Variants in MSH4 observed in about 807,000 individuals in gnomAD.
MSH4 encodes the protein mutS protein homolog 4.
MSH4 carries 106 observed loss-of-function variants against 113.7 expected under a neutral mutation model. The observed-to-expected ratio is 0.93, with a 90% CI of 0.80 to 1.10. The LOEUF is 1.10. Ranked by LOEUF, MSH4 falls within the 50% of genes least tolerant of loss-of-function variation. The pLI, the probability that MSH4 is intolerant of heterozygous loss-of-function variation, is 0.00. For missense variants in MSH4, 1,061 were observed against 1,093.7 expected, an observed-to-expected ratio of 0.97 and a Z score of 0.42; for synonymous variants, 368 against 380.2, an observed-to-expected ratio of 0.97 and a Z score of 0.37.
chr1:75,829,406 A>G (rs969491594), intron 7 of MSH4, among the ~76,000 whole-genome samples: 2 of 152,204 alleles, frequency 1.3e-5, no homozygotes, highest in African/African-American at 4.8e-5. Context: ...GCAGACTTAA[A>G]CATCCCTGTC....
intron 19 of MSH4, among the ~76,000 whole-genome samples, chr1:75,909,498 G>T (rs12138898): frequency 0.29 from 43,449 of 150,136 alleles, 6,580 homozygotes; most frequent in Middle Eastern, 0.37. Context: ...TATACTTTAA[G>T]TTCTGGGATA....
intron 19 of MSH4, among the ~76,000 whole-genome samples, chr1:75,904,531 T>TG (rs1000049858): frequency 4.6e-5 from 7 of 151,608 alleles, no homozygotes; most frequent in African/African-American, 1.7e-4. Flanking sequence ...CTTTTTTTTT[T>TG]GACAGGATCT....
chr1:75,871,959 C>A (rs1651719704), intron 9 of MSH4, among the ~76,000 whole-genome samples: 2 of 152,150 alleles, frequency 1.3e-5, no homozygotes, highest in South Asian at 4.1e-4. Flanking sequence ...TTGAGCATCC[C>A]TAACCCAAAA....
intron 3 of MSH4, among the ~76,000 whole-genome samples, chr1:75,807,492 TC>T (rs1328880974): frequency 4.6e-5 from 7 of 152,152 alleles, no homozygotes; most frequent in Admixed American, 2.6e-4. Flanking sequence ...AATGCCATAA[TC>T]CCGATGTTCA....
rs1161959640 is a variant in MSH4, at chr1:75,849,693, C to G, written c.1230+1417C>G. ...CTGATGTTTGGAATTAAATTAGCAG[C>G]CCTCATAAAATAAGTTTGGAAGTAG... On this transcript the variant is annotated intron_variant, in intron 8 of 19. Coordinates refer to ENST00000263187, the MANE Select transcript of MSH4 (RefSeq NM_002440.4). Among the ~76,000 whole-genome samples, 2 of 152,154 alleles carry G rather than the reference C, an allele frequency of 1.3e-5. 1 individual carries two copies. Among genetic ancestry groups the G allele is most frequent in the Non-Finnish European group, 2.9e-5 (2 of 68,028 alleles).
intron 2 of MSH4, 66 bp from the exon 3 acceptor site, chr1:75,806,915 T>C: frequency 2.9e-6 from 4 of 1,394,302 alleles, no homozygotes; most frequent in Non-Finnish European, 2.9e-6. Flanking sequence ...AATTTCCTAG[T>C]TTTTTTTAAA....
chr1:75,904,047 CCA>C (rs1047685494), intron 19 of MSH4, among the ~76,000 whole-genome samples: 3 of 151,948 alleles, frequency 2.0e-5, no homozygotes, highest in Non-Finnish European at 4.4e-5. Context: ...CCTTCTACAC[CCA>C]GTTTGTTGAG....
chr1:75,810,485 C>T (rs1258084713), intron 3 of MSH4, among the ~76,000 whole-genome samples: 3 of 147,370 alleles, frequency 2.0e-5, no homozygotes, highest in African/African-American at 5.0e-5. Flanking sequence ...GAACTCCTGG[C>T]CTCAAGTGAT....
intron 8 of MSH4, among the ~76,000 whole-genome samples, chr1:75,851,953 A>G (rs1037017819): frequency 1.3e-5 from 2 of 152,320 alleles, no homozygotes; most frequent in South Asian, 2.1e-4. Flanking sequence ...GAGTTGTACA[A>G]CCATCACCAC....
intron 7 of MSH4, among the ~76,000 whole-genome samples, chr1:75,843,332 A>G (rs1310760654): frequency 2.6e-5 from 4 of 151,612 alleles, no homozygotes; most frequent in Admixed American, 2.6e-4. Context: ...TTATTTCTAC[A>G]CTCTCTCGTT....
At chr1:75,824,599 T>C (rs530031635) in intron 7 of MSH4, among the ~76,000 whole-genome samples, 3 of 152,284 alleles carry the variant, frequency 2.0e-5, no homozygotes, top group East Asian at 3.9e-4. Context: ...GTTTGTATGG[T>C]TTTAGGTCTT....
At chr1:75,901,886 T>C (rs537885801) in intron 19 of MSH4, among the ~76,000 whole-genome samples, 28 of 152,278 alleles carry the variant, frequency 1.8e-4, no homozygotes, top group African/African-American at 6.7e-4. Flanking sequence ...GTGGTTTTGA[T>C]ATATATTTCC....
At chr1:75,885,341 GTA>G (rs72131358) in intron 15 of MSH4, among the ~76,000 whole-genome samples, 14 of 102,578 alleles carry the variant, frequency 1.4e-4, no homozygotes, top group East Asian at 5.2e-4. Flanking sequence ...GTGTGTGTGT[GTA>G]TATATATATA....
chr1:75,864,081 G>T (rs950525720), intron 8 of MSH4, among the ~76,000 whole-genome samples: 1 of 151,974 alleles, frequency 6.6e-6, no homozygotes, highest in South Asian at 2.1e-4. Context: ...AGTTTGACTT[G>T]ATCTATTAAA....
chr1:75,865,453 G>A (rs5745425), intron 8 of MSH4, among the ~76,000 whole-genome samples: 12,774 of 152,090 alleles, frequency 0.084, 792 homozygotes, highest in African/African-American at 0.17. Context: ...TGTTTATTAC[G>A]TATAGTTCCC....
chr1:75,908,021 T>C lies in MSH4; in HGVS notation c.2620-4675T>C, dbSNP rs111330446. Among the ~76,000 whole-genome samples the C allele has an allele frequency of 4.4e-3, 666 of 151,216 alleles. 2 individuals carry two copies. Among genetic ancestry groups the C allele is most frequent in the Non-Finnish European group, 7.3e-3 (496 of 67,828 alleles). ...CACTGTGCCTGGCTAATCTCACTGA[T>C]TCTTTCTTCTGCTTGATCTATTTCT... is the stretch of plus-strand genomic sequence containing the variant. On this transcript the variant is annotated intron_variant, in intron 19 of 19. Transcript: ENST00000263187.
chr1:75,804,304 G>A (rs1006732159), intron 2 of MSH4, among the ~76,000 whole-genome samples: 11 of 151,842 alleles, frequency 7.2e-5, no homozygotes, highest in Admixed American at 7.2e-4. Flanking sequence ...GATAAAATAG[G>A]TTTTCATGTA....
intron 7 of MSH4, among the ~76,000 whole-genome samples, chr1:75,828,009 G>A (rs1650595061): frequency 6.6e-6 from 1 of 152,128 alleles, no homozygotes; most frequent in Admixed American, 6.6e-5. Flanking sequence ...ATCAACAGAT[G>A]CTTCTCAAAA....
chr1:75,833,041 G>A (rs1464203746), intron 7 of MSH4, among the ~76,000 whole-genome samples: 5 of 152,270 alleles, frequency 3.3e-5, no homozygotes, highest in East Asian at 1.9e-4. Context: ...AAAACCCATC[G>A]TCTCAGCCCA....
Sources: gnomAD v4.1 joint callset for allele counts (sites outside exome capture counted in the v4.1 genomes callset) on GRCh38, gnomAD v4.1.1 for gene constraint, MANE v1.5 for transcripts, NCBI Gene and HGNC (gene_info 2026-07-23, HGNC 2026-07-21) for gene names.